Variants in C10orf67 observed in about 807,000 individuals in gnomAD.
The protein encoded by C10orf67 is uncharacterized protein C10orf67, mitochondrial.
C10orf67 carries 60 observed loss-of-function variants against 35.6 expected under a neutral mutation model. That is an observed-to-expected ratio of 1.68 (90% CI 1.37 to 2.09). The LOEUF is 2.09. C10orf67 is among the 30% of genes most tolerant of loss of function. C10orf67 has a pLI of 0.00. For missense variants in C10orf67, 474 were observed against 330.2 expected, an observed-to-expected ratio of 1.44 and a Z score of -3.38; for synonymous variants, 167 against 115.8, an observed-to-expected ratio of 1.44 and a Z score of -2.84.
intron 15 of C10orf67, among the ~76,000 whole-genome samples, chr10:23,222,147 C>T (rs571595438): frequency 1.3e-4 from 20 of 152,118 alleles, no homozygotes; most frequent in African/African-American, 3.6e-4. Context: ...GTAGACAGAG[C>T]GGAAATAACT....
At position 23,249,173 on chromosome 10, in the gene C10orf67, G is replaced by A. The variant is rs564380256; in HGVS notation, c.1346+1282C>T. 3.6e-5 allele frequency among the ~76,000 whole-genome samples: 5 copies of A among 138,920 alleles called. 1 individual carries two copies. The highest frequency in any genetic ancestry group is 3.0e-4 in the Admixed American group (4 of 13,508). The allele number at this position is 138,920 out of a possible 152,430, so 91.1% of individuals were successfully genotyped here. ...AAAAAAAAAAAAAGAAAACTGATAC[G>A]TTCTTGTAAATCATCACTGAAGAAT... On this transcript the variant is annotated intron_variant, in intron 12 of 15. Transcript: ENST00000636213.
At chr10:23,218,563 A>T (rs930492962) in intron 15 of C10orf67, among the ~76,000 whole-genome samples, 2 of 152,164 alleles carry the variant, frequency 1.3e-5, no homozygotes, top group African/African-American at 4.8e-5. Flanking sequence ...GGTAGTTGAG[A>T]ATTAGCTCAA....
At chr10:23,293,029 C>A (rs547251146) in intron 5 of C10orf67, among the ~76,000 whole-genome samples, 7 of 152,154 alleles carry the variant, frequency 4.6e-5, no homozygotes, top group South Asian at 2.1e-4. Context: ...AAGAAATAAA[C>A]AAACAATACT....
At chr10:23,223,079 A>AT (rs35185795) in intron 15 of C10orf67, among the ~76,000 whole-genome samples, 57,993 of 149,714 alleles carry the variant, frequency 0.39, 13,864 homozygotes, top group East Asian at 0.73. Context: ...AAGTATAACT[A>AT]TTTTTTTTTT....
At chr10:23,294,495 T>C (rs1004475651) in intron 5 of C10orf67, among the ~76,000 whole-genome samples, 1 of 152,172 alleles carries the variant, frequency 6.6e-6, no homozygotes, top group African/African-American at 2.4e-5. Flanking sequence ...GGAAACCTGA[T>C]GGCTACAATG....
intron 5 of C10orf67, among the ~76,000 whole-genome samples, chr10:23,299,784 T>C (rs940275883): frequency 6.6e-6 from 1 of 152,190 alleles, no homozygotes; most frequent in African/African-American, 2.4e-5. Flanking sequence ...AAGACCATCC[T>C]GGCTAACACG....
chr10:23,273,968 G>T (rs564386691), intron 8 of C10orf67, among the ~76,000 whole-genome samples: 1 of 152,282 alleles, frequency 6.6e-6, no homozygotes, highest in East Asian at 1.9e-4. Flanking sequence ...GCCAGTCTGA[G>T]AAATAAAGAG....
intron 8 of C10orf67, among the ~76,000 whole-genome samples, chr10:23,280,055 A>G (rs1227887050): frequency 6.6e-6 from 1 of 151,936 alleles, no homozygotes; most frequent in African/African-American, 2.4e-5. Context: ...GGGCCTCACT[A>G]TGTTGCTCAG....
At chr10:23,336,454 T>A (rs1845685241) in intron 1 of C10orf67, among the ~76,000 whole-genome samples, 1 of 152,184 alleles carries the variant, frequency 6.6e-6, no homozygotes, top group East Asian at 1.9e-4. Flanking sequence ...AGAATGGCAC[T>A]CCAGTAGTGA....
intron 5 of C10orf67, among the ~76,000 whole-genome samples, chr10:23,296,402 A>T (rs1843881180): frequency 6.6e-6 from 1 of 152,014 alleles, no homozygotes; most frequent in Non-Finnish European, 1.5e-5. Context: ...AGCTCTCCTT[A>T]CTATCTGATT....
At chr10:23,250,721 A>G (rs905326540) in intron 10 of C10orf67, 30 bp from the exon 11 acceptor site, 1 of 398,346 alleles carries the variant, frequency 2.5e-6, no homozygotes, top group Non-Finnish European at 4.4e-6. Context: ...CACAAAGTTA[A>G]TTACACAAAC....
chr10:23,305,200 C>CA (rs1359845566), intron 4 of C10orf67, among the ~76,000 whole-genome samples: 1 of 151,860 alleles, frequency 6.6e-6, no homozygotes, highest in South Asian at 2.1e-4. Context: ...TAACTGACTC[C>CA]AAAAAAATGG....
intron 4 of C10orf67, among the ~76,000 whole-genome samples, chr10:23,308,172 C>A (rs548691111): frequency 6.6e-6 from 1 of 152,070 alleles, no homozygotes; most frequent in Admixed American, 6.5e-5. Flanking sequence ...TTCTCTTTCA[C>A]GAACTAATCA....
rs148267117 is a variant in C10orf67, at chr10:23,232,109, C to T, written c.1434+7620G>A. Among the ~76,000 whole-genome samples the T allele has an allele frequency of 6.3e-3, 954 of 152,206 alleles. 6 individuals are homozygous for T. The highest frequency in any genetic ancestry group is 0.01 in the Non-Finnish European group (708 of 68,008). On this transcript the variant is annotated intron_variant, in intron 13 of 15. Coordinates refer to ENST00000636213, the MANE Select transcript of C10orf67 (RefSeq NM_001371909.1). ...GGCATGGTAATAATCTAGCTATGGC[C>T]TTGCTCTTGGGAATGCGGGCATTCG...
chr10:23,282,426 T>G (rs1248778607), intron 7 of C10orf67, among the ~76,000 whole-genome samples: 1 of 152,230 alleles, frequency 6.6e-6, no homozygotes, highest in Non-Finnish European at 1.5e-5. Context: ...TATGTCTATG[T>G]GCATATCAAA....
chr10:23,285,558 A>G (rs555974406), intron 7 of C10orf67, among the ~76,000 whole-genome samples: 44 of 151,970 alleles, frequency 2.9e-4, no homozygotes, highest in African/African-American at 1.0e-3. Flanking sequence ...ATGTGTAATC[A>G]ATATAAAAAA....
At chr10:23,204,663 A>G (rs527659978) in intron 15 of C10orf67, among the ~76,000 whole-genome samples, 1 of 152,292 alleles carries the variant, frequency 6.6e-6, no homozygotes, top group African/African-American at 2.4e-5. Flanking sequence ...TTAAATTTCC[A>G]TTTGCCTTGC....
intron 4 of C10orf67, among the ~76,000 whole-genome samples, chr10:23,306,317 A>G (rs1269002291): frequency 6.6e-6 from 1 of 152,076 alleles, no homozygotes; most frequent in East Asian, 1.9e-4. Context: ...TCAGGTCAGG[A>G]GTTCGAGACT....
rs1168557105 is a variant in C10orf67, at chr10:23,267,678, G to A, written c.976-424C>T. On this transcript the variant is annotated intron_variant, in intron 8 of 15. Coordinates refer to ENST00000636213, the MANE Select transcript of C10orf67 (RefSeq NM_001371909.1). ...ATCCCACTTTGGGAGGCTGAGGCAG[G>A]TGTATCACCTGAGGTCAGGAGTTCA... Among the ~76,000 whole-genome samples, 6 of 152,196 alleles carry A rather than the reference G, an allele frequency of 3.9e-5. No individual in the cohort carries two copies. The East Asian group carries it at 1.2e-3, about 29-fold the overall frequency.
Sources: gnomAD v4.1 joint callset for allele counts (sites outside exome capture counted in the v4.1 genomes callset) on GRCh38, gnomAD v4.1.1 for gene constraint, MANE v1.5 for transcripts, NCBI Gene and HGNC (gene_info 2026-07-23, HGNC 2026-07-21) for gene names.